Variants in UBR4 observed in about 807,000 individuals in gnomAD.
UBR4 encodes the protein E3 ubiquitin-protein ligase UBR4.
UBR4 carries 124 observed loss-of-function variants against 575.6 expected under a neutral mutation model. The ratio of observed to expected loss-of-function variants is 0.22; its 90% CI spans 0.19 to 0.25. The LOEUF is 0.25. Ranked by LOEUF, UBR4 falls within the 10% of genes least tolerant of loss-of-function variation. UBR4 has a pLI of 1.00. For missense variants in UBR4, 4,818 were observed against 6,478.8 expected (o/e 0.74, Z 8.80); for synonymous variants, 2,455 against 2,473.7 (o/e 0.99, Z 0.22).
In UBR4 at chr1:19,095,527, G is replaced by C. The variant is rs779611202; in HGVS notation, c.13626+18C>G. 1 of 1,610,338 alleles carries C rather than the reference G, an allele frequency of 6.2e-7. No individual in the cohort carries two copies. Among genetic ancestry groups the C allele is most frequent in the Non-Finnish European group, 8.5e-7 (1 of 1,177,362 alleles). The stretch of plus-strand genomic sequence containing the variant: ...TTCCAAGGCCCACTCTTCTTCACCT[G>C]CAGTCCATGCTCCTTACCAGGTTTA... On this transcript the variant is annotated intron_variant, in intron 93 of 105. Coordinates refer to ENST00000375254, the MANE Select transcript of UBR4 (RefSeq NM_020765.3).
rs192963156 is a variant in UBR4, at chr1:19,139,326, G to C, written c.8594-106C>G. 2,103 of 1,408,394 alleles carry C rather than the reference G, an allele frequency of 1.5e-3. 5 individuals carry two copies. Among genetic ancestry groups the C allele is most frequent in the South Asian group, 2.4e-3 (152 of 64,054 alleles). 87.2% of individuals were successfully genotyped at this position (1,408,394 alleles called of 1,614,324 possible). On this transcript the variant is annotated intron_variant, in intron 58 of 105. Transcript: ENST00000375254. The surrounding 1 kb of genome is among the most constrained non-coding windows in gnomAD (Gnocchi z 4.2). ...TGGGATGAAAGCATCAAACCACATA[G>C]TGCATAGGACACAATGCAGTTTATA...
chr1:19,165,098 C>A, intron 31 of UBR4, 101 bp from the exon 32 acceptor site: 1 of 1,532,246 alleles, frequency 6.5e-7, no homozygotes, highest in Non-Finnish European at 8.9e-7. Context: ...GGCTTCAAAG[C>A]AAGTTTTCAA....
chr1:19,125,822 G>A (rs1482020663), intron 64 of UBR4: 1 of 154,104 alleles, frequency 6.5e-6, no homozygotes, highest in Non-Finnish European at 1.4e-5. Context: ...CAGTGAGGAA[G>A]AGACTGGTGA....
At chr1:19,149,315 GA>G (rs766047340) in intron 49 of UBR4, among the ~76,000 whole-genome samples, 24 of 152,164 alleles carry the variant, frequency 1.6e-4, no homozygotes, top group Non-Finnish European at 2.2e-4. Flanking sequence ...TCTGGACAGA[GA>G]AAGAAAAGTA....
intron 83 of UBR4, among the ~76,000 whole-genome samples, chr1:19,106,146 T>C (rs1454344134): frequency 1.3e-5 from 2 of 152,236 alleles, no homozygotes; most frequent in Non-Finnish European, 2.9e-5. Flanking sequence ...TCATTCTTTT[T>C]TGGGGACACT....
At position 19,157,944 on chromosome 1, in the gene UBR4, G is replaced by A. The variant is rs145665616; in HGVS notation, c.5631C>T (p.Tyr1877=). The A allele has an allele frequency of 4.4e-4, 705 of 1,614,196 alleles. 1 individual carries two copies. The highest frequency in any genetic ancestry group is 3.5e-3 in the African/African-American group (264 of 75,050). The change falls in exon 40 of 106, where the codon TAC becomes TAT. Residue 1877 remains tyrosine (Y), a synonymous_variant. Transcript: ENST00000375254. This position sits in a 1 kb window ranked among gnomAD's most constrained non-coding sequence, Gnocchi z 4.4. The part of the protein sequence containing the change: ...EGAFENVRMN[Y]SGDQGQTIRQ... ...GGATGGTCTGGCCCTGGTCTCCACTGTAATTCATCCGCACATTCTCAAAGG... is the reference window on the plus strand; with the variant it reads ...GGATGGTCTGGCCCTGGTCTCCACTATAATTCATCCGCACATTCTCAAAGG...
intron 105 of UBR4, chr1:19,075,273 CA>C (rs1310842382): frequency 6.7e-6 from 2 of 296,954 alleles, no homozygotes; most frequent in South Asian, 3.1e-5. Context: ...GGCTGCAGGC[CA>C]GGGGTGCTTG....
At chr1:19,108,635 C>T (rs1010392587) in intron 81 of UBR4, among the ~76,000 whole-genome samples, 4 of 152,148 alleles carry the variant, frequency 2.6e-5, no homozygotes, top group Admixed American at 2.6e-4. Flanking sequence ...CTGCACAGGG[C>T]CACCGCCTCG....
chr1:19,119,943 A>G (rs2149456354), intron 69 of UBR4, among the ~76,000 whole-genome samples: 1 of 152,344 alleles, frequency 6.6e-6, no homozygotes, highest in East Asian at 1.9e-4. Flanking sequence ...AAGCTTGGTC[A>G]TGTTACAAAC....
chr1:19,198,120 T>C (rs999913979), intron 5 of UBR4, 71 bp from the exon 6 acceptor site: 1 of 1,439,402 alleles, frequency 6.9e-7, no homozygotes, highest in African/African-American at 1.4e-5. Context: ...AAGTGAGCAG[T>C]AGCTGCACGG....
chr1:19,141,356 C>A lies in UBR4; in HGVS notation c.8479G>T (p.Asp2827Tyr). The change falls in exon 57 of 106, where the codon GAC (aspartate) becomes TAC (tyrosine). Residue 2827 changes from aspartate (D) to tyrosine (Y), a missense_variant. Around this residue, in one of 29 missense-constraint regions of UBR4, gnomAD observed 129 missense variants for 198.4 expected, o/e 0.65. Coordinates refer to ENST00000375254, the MANE Select transcript of UBR4 (RefSeq NM_020765.3). ...TGGCATGGCCTTCTACCTTGTTGGT[C>A]CTGCTGCAGGCTCAGGGCAATGGCT... The part of the protein sequence containing the change: ...ELAIALSLQQ[D>Y]QQGSSSSALG... The A allele has an allele frequency of 1.9e-6, 3 of 1,614,206 alleles. No individual in the cohort carries two copies. The highest frequency in any genetic ancestry group is 2.5e-6 in the Non-Finnish European group (3 of 1,180,038).
intron 17 of UBR4, among the ~76,000 whole-genome samples, chr1:19,180,196 A>AT (rs370222029): frequency 0.093 from 13,895 of 149,442 alleles, 746 homozygotes; most frequent in Non-Finnish European, 0.13. Flanking sequence ...TTATTTATTT[A>AT]TTTTTTTTTT....
intron 60 of UBR4, among the ~76,000 whole-genome samples, chr1:19,135,825 T>C (rs1468729419): frequency 6.6e-6 from 1 of 152,056 alleles, no homozygotes; most frequent in African/African-American, 2.4e-5. Flanking sequence ...TTTTCCAAAA[T>C]AAAAGACACT....
chr1:19,161,560 C>A (rs761574740), intron 37 of UBR4, 29 bp downstream of exon 37: 1 of 1,561,014 alleles, frequency 6.4e-7, no homozygotes, highest in East Asian at 2.3e-5. Context: ...AACAAGCCAC[C>A]CTTTATAGCT....
chr1:19,169,997 G>T (rs1277432209), intron 26 of UBR4, among the ~76,000 whole-genome samples: 1 of 152,160 alleles, frequency 6.6e-6, no homozygotes, highest in Non-Finnish European at 1.5e-5. Flanking sequence ...AATGTTAAAT[G>T]AATATTTAAA....
At position 19,177,627 on chromosome 1, in the gene UBR4, G is replaced by A. The variant is rs753798247; in HGVS notation, c.2471C>T (p.Thr824Ile). The part of the protein sequence containing the change: ...LLLIFHNFTE[T>I]GRRAILSLFV... ...AAGCGACAATATGGCCCGCCGGCCT[G>A]TCTCGGTGAAATTGTGGAAAATGAG... Residue 824 changes from threonine (T) to isoleucine (I), a missense_variant, in exon 19 of 106, where the codon ACA (threonine) becomes ATA (isoleucine). Thr to Ile is a moderately conservative substitution (Grantham distance 89, BLOSUM62 -1). Transcript: ENST00000375254. 3 of 1,613,966 alleles carry A rather than the reference G, an allele frequency of 1.9e-6. No homozygotes were observed. Among genetic ancestry groups the A allele is most frequent in the East Asian group, 4.5e-5 (2 of 44,876 alleles).
intron 87 of UBR4, 136 bp from the exon 88 acceptor site, chr1:19,101,777 A>C: frequency 1.5e-6 from 2 of 1,366,094 alleles, no homozygotes; most frequent in Non-Finnish European, 2.0e-6. Context: ...TGGCAATATC[A>C]ATAGTTCAAA....
At chr1:19,085,912 AG>A (rs1450798821) in intron 101 of UBR4, among the ~76,000 whole-genome samples, 1 of 152,136 alleles carries the variant, frequency 6.6e-6, no homozygotes, top group African/African-American at 2.4e-5. Context: ...CTGGAAGCTA[AG>A]GGTGCTGGTT....
At chr1:19,145,054 A>C in intron 53 of UBR4, 147 bp from the exon 54 acceptor site, 1 of 839,208 alleles carries the variant, frequency 1.2e-6, no homozygotes, top group Non-Finnish European at 1.8e-6. Context: ...TCATTCACAC[A>C]CAGTAGCCTG....
Sources: allele counts gnomAD v4.1 joint callset (sites outside exome capture counted in the v4.1 genomes callset), GRCh38; gene constraint gnomAD v4.1.1; regional missense constraint gnomAD v4.1.1; non-coding constraint Gnocchi (gnomAD v3.1); transcripts MANE v1.5; gene names NCBI Gene and HGNC (gene_info 2026-07-23, HGNC 2026-07-21).